The following WWOX variants were observed in gnomAD, a reference collection of about 807,000 sequenced individuals.
WWOX encodes WW domain containing oxidoreductase.
A neutral mutation model predicts 46.2 loss-of-function variants in WWOX; 69 were observed. That is an observed-to-expected ratio of 1.49 (90% CI 1.23 to 1.82). WWOX has a LOEUF of 1.82. Among genes scored for constraint, WWOX ranks in the 40% most tolerant of loss-of-function variants. WWOX has a pLI of 0.00. For missense variants in WWOX, 919 were observed against 542.6 expected, an observed-to-expected ratio of 1.69 and a Z score of -6.89; for synonymous variants, 359 against 202.6, an observed-to-expected ratio of 1.77 and a Z score of -6.56.
At chr16:78,842,809 G>A (rs968036246) in intron 8 of WWOX, among the ~76,000 whole-genome samples, 1 of 132,998 alleles carries the variant, frequency 7.5e-6, no homozygotes, top group Non-Finnish European at 1.8e-5. Context: ...CCAAGATCAC[G>A]CCACTGCACA....
At chr16:78,419,121 A>G (rs56011450) in intron 6 of WWOX, among the ~76,000 whole-genome samples, 1 of 152,170 alleles carries the variant, frequency 6.6e-6, no homozygotes, top group South Asian at 2.1e-4. Flanking sequence ...AAAGTTTAAT[A>G]TGCGTAAGTC....
chr16:78,920,723 C>A (rs1295634203), intron 8 of WWOX, among the ~76,000 whole-genome samples: 2 of 152,082 alleles, frequency 1.3e-5, no homozygotes, highest in Non-Finnish European at 2.9e-5. Flanking sequence ...GAAAGTGTGA[C>A]CTACTTTTTA....
At chr16:78,712,478 G>C (rs939174668) in intron 8 of WWOX, among the ~76,000 whole-genome samples, 8 of 151,586 alleles carry the variant, frequency 5.3e-5, no homozygotes, top group Non-Finnish European at 1.0e-4. Context: ...CTCCAGCCTG[G>C]TGACAGAGTG....
chr16:79,137,941 A>G (rs950016767), intron 8 of WWOX, among the ~76,000 whole-genome samples: 1 of 152,152 alleles, frequency 6.6e-6, no homozygotes, highest in African/African-American at 2.4e-5. Flanking sequence ...AAAACTTTGA[A>G]GTTTTGAGGA....
Position 78,571,887 on chromosome 16 carries a change from T to G in WWOX, c.1056+139135T>G, listed in dbSNP as rs377726717. On this transcript the variant is annotated intron_variant, in intron 8 of 8. Coordinates refer to ENST00000566780, the MANE Select transcript of WWOX (RefSeq NM_016373.4). ...TCTCAAAAAAAGGCATTGCTGTTAATACAACAATGATAAGTTATTTCACAC... is the reference window on the plus strand; with the variant it reads ...TCTCAAAAAAAGGCATTGCTGTTAAGACAACAATGATAAGTTATTTCACAC... 1.6e-4 allele frequency among the ~76,000 whole-genome samples: 24 copies of G among 152,166 alleles called. No homozygotes were observed. In the South Asian group the frequency reaches 5.0e-3, roughly 32 times the overall value.
intron 5 of WWOX, among the ~76,000 whole-genome samples, chr16:78,252,455 C>A (rs1383379602): frequency 2.6e-5 from 4 of 152,206 alleles, no homozygotes; most frequent in African/African-American, 7.2e-5. Context: ...GACACACACA[C>A]TTCTTCACCA....
chr16:78,801,261 G>C (rs910315425), intron 8 of WWOX, among the ~76,000 whole-genome samples: 2 of 152,124 alleles, frequency 1.3e-5, no homozygotes, highest in South Asian at 2.1e-4. Context: ...TGTAATCCCA[G>C]CTCTTTGGGA....
intron 8 of WWOX, among the ~76,000 whole-genome samples, chr16:79,050,176 C>T (rs1020911835): frequency 1.3e-5 from 2 of 152,176 alleles, no homozygotes; most frequent in African/African-American, 2.4e-5. Context: ...TGGGGTTCAG[C>T]AGAACTAGGC....
At chr16:78,568,135 TG>T (rs1388014759) in intron 8 of WWOX, among the ~76,000 whole-genome samples, 2 of 152,186 alleles carry the variant, frequency 1.3e-5, no homozygotes, top group East Asian at 3.9e-4. Context: ...CATTAATGCA[TG>T]TGACCAGATG....
intron 8 of WWOX, among the ~76,000 whole-genome samples, chr16:79,008,094 G>T (rs1385016538): frequency 6.6e-6 from 1 of 152,188 alleles, no homozygotes; most frequent in Non-Finnish European, 1.5e-5. Flanking sequence ...CTTATCAGAG[G>T]CCCTTGGTTA....
At chr16:78,741,780 A>G (rs1216621945) in intron 8 of WWOX, among the ~76,000 whole-genome samples, 2 of 152,064 alleles carry the variant, frequency 1.3e-5, no homozygotes, top group Non-Finnish European at 2.9e-5. Flanking sequence ...GCTTGAATCC[A>G]GGAGACGGAG....
chr16:78,545,306 T>TG (rs779994138), intron 8 of WWOX, among the ~76,000 whole-genome samples: 6 of 152,146 alleles, frequency 3.9e-5, no homozygotes, highest in Non-Finnish European at 7.3e-5. Flanking sequence ...TCTGAGGAAA[T>TG]GGTTACCTGC....
chr16:78,520,479 A>G (rs961804275), intron 8 of WWOX, among the ~76,000 whole-genome samples: 1 of 152,192 alleles, frequency 6.6e-6, no homozygotes, highest in African/African-American at 2.4e-5. Flanking sequence ...AGTATTAGAA[A>G]GTAACTAGCC....
intron 8 of WWOX, among the ~76,000 whole-genome samples, chr16:78,956,008 A>G (rs903439396): frequency 6.6e-6 from 1 of 152,156 alleles, no homozygotes; most frequent in Non-Finnish European, 1.5e-5. Flanking sequence ...AAACACAAAA[A>G]AAACTTTTTT....
At position 78,860,034 on chromosome 16, in the gene WWOX, G is replaced by T. The variant is rs2052679415; in HGVS notation, c.1057-351574G>T. Among the ~76,000 whole-genome samples, 2 of 152,068 alleles carry T rather than the reference G, an allele frequency of 1.3e-5. 1 individual carries two copies. Among genetic ancestry groups the T allele is most frequent in the Admixed American group, 1.3e-4 (2 of 15,266 alleles). ...AGCATTTTCACGAGTAAACTTTTTA[G>T]TTCTCAAAAGAAAAATTGTAACAAT... On this transcript the variant is annotated intron_variant, in intron 8 of 8. Coordinates refer to ENST00000566780, the MANE Select transcript of WWOX (RefSeq NM_016373.4).
At position 78,970,729 on chromosome 16, in the gene WWOX, A is replaced by G. The variant is rs147769671; in HGVS notation, c.1057-240879A>G. On this transcript the variant is annotated intron_variant, in intron 8 of 8. Transcript: ENST00000566780. ...GAGCCATGTGTAGAACTTTCACAGA[A>G]CAGTGTGTACCTCCCCTCCTTCTTC... Among the ~76,000 whole-genome samples the G allele has an allele frequency of 2.1e-3, 321 of 152,152 alleles. 1 individual carries two copies. Among genetic ancestry groups the G allele is most frequent in the South Asian group, 7.1e-3 (34 of 4,812 alleles).
intron 8 of WWOX, among the ~76,000 whole-genome samples, chr16:78,500,661 G>T (rs1171698077): frequency 2.6e-5 from 4 of 152,158 alleles, no homozygotes; most frequent in Admixed American, 1.3e-4. Context: ...GGGTATCATC[G>T]TGGTTATTCC....
At chr16:78,924,392 C>G (rs766697281) in intron 8 of WWOX, among the ~76,000 whole-genome samples, 1 of 152,124 alleles carries the variant, frequency 6.6e-6, no homozygotes, top group Non-Finnish European at 1.5e-5. Context: ...ACTTGTCTAT[C>G]CACAAATATT....
chr16:78,208,550 A>C (rs930395126), intron 5 of WWOX, among the ~76,000 whole-genome samples: 5 of 152,340 alleles, frequency 3.3e-5, no homozygotes, highest in Admixed American at 1.3e-4. Flanking sequence ...TGTCATGTTT[A>C]ATATGTTGCA....
Sources: allele counts gnomAD v4.1 joint callset (sites outside exome capture counted in the v4.1 genomes callset), GRCh38; gene constraint gnomAD v4.1.1; transcripts MANE v1.5; gene names NCBI Gene and HGNC (gene_info 2026-07-23, HGNC 2026-07-21).